Variants in TTC3 observed in about 807,000 individuals in gnomAD.
TTC3 encodes the protein E3 ubiquitin-protein ligase TTC3.
TTC3 carries 180 observed loss-of-function variants against 249.6 expected under a neutral mutation model. The ratio of observed to expected loss-of-function variants is 0.72; its 90% CI spans 0.64 to 0.82. The LOEUF is 0.82. TTC3 is among the 40% of genes least tolerant of loss of function. The pLI, the probability that TTC3 is intolerant of heterozygous loss-of-function variation, is 0.00. For missense variants in TTC3, 2,061 were observed against 2,398.4 expected (o/e 0.86, Z 2.94); for synonymous variants, 717 against 805.0 (o/e 0.89, Z 1.85).
Position 37,126,118 on chromosome 21 carries a change from T to C in TTC3, c.1272T>C (p.Cys424=), listed in dbSNP as rs150729070. 1.0e-3 allele frequency: 1,621 copies of C among 1,612,396 alleles called. 14 individuals are homozygous for C. In the African/African-American group the frequency reaches 0.018, roughly 18 times the overall value. The change falls in exon 15 of 46, where the codon TGT becomes TGC. Residue 424 remains cysteine (C), a synonymous_variant. Transcript: ENST00000355666. ...CGTTGAAGGTAGATGATTGTGACTG[T>C]CATCCTGAATTTTCACCACCATCAA...
At chr21:37,095,410 G>A (rs764863393) in exon 9 of TTC3, 3 of 1,607,364 alleles carry the variant, frequency 1.9e-6, no homozygotes, top group South Asian at 2.2e-5. Flanking sequence ...ATTTGATATA[G>A]CTATTATCTA....
intron 32 of TTC3, 71 bp from the exon 33 acceptor site, chr21:37,165,479 A>G: frequency 1.7e-6 from 2 of 1,191,958 alleles, no homozygotes; most frequent in South Asian, 1.5e-5. Context: ...GGGAGAATAA[A>G]AGTTTTTTTC....
Position 37,147,478 on chromosome 21 carries a change from T to C in TTC3, c.1894-3T>C, listed in dbSNP as rs369561916. 6.2e-7 allele frequency: 1 copy of C among 1,602,468 alleles called. No homozygotes were observed. Among genetic ancestry groups the C allele is most frequent in the East Asian group, 2.2e-5 (1 of 44,606 alleles). On this transcript the variant is annotated splice_polypyrimidine_tract_variant and splice_region_variant and intron_variant, in intron 21 of 45. Coordinates refer to ENST00000355666, the Ensembl canonical transcript of TTC3. Reference sequence around the variant, plus strand: ...GGTATCATTTTTGTTTATTTTGTTTTAGATGCTGTTAGAGAAATTTGTTGA... The same window carrying C: ...GGTATCATTTTTGTTTATTTTGTTTCAGATGCTGTTAGAGAAATTTGTTGA...
At chr21:37,201,106 G>A (rs1414174911) in intron 45 of TTC3, among the ~76,000 whole-genome samples, 5 of 152,230 alleles carry the variant, frequency 3.3e-5, no homozygotes, top group Non-Finnish European at 5.9e-5. Flanking sequence ...GAGTGATTGG[G>A]TCATAGGGCC....
chr21:37,088,293 T>C (rs1403207256), exon 4 of TTC3: 4 of 1,613,708 alleles, frequency 2.5e-6, no homozygotes, highest in African/African-American at 1.3e-5. Flanking sequence ...CACTTCTGTT[T>C]CAACATCAAA....
At chr21:37,186,342 T>A (rs2083273298) in intron 37 of TTC3, among the ~76,000 whole-genome samples, 1 of 152,228 alleles carries the variant, frequency 6.6e-6, no homozygotes, top group Admixed American at 6.5e-5. Context: ...TTTGTACAGA[T>A]TTCTTTTTCC....
intron 21 of TTC3, among the ~76,000 whole-genome samples, chr21:37,145,270 A>G (rs2078883536): frequency 6.6e-6 from 1 of 152,240 alleles, no homozygotes; most frequent in Non-Finnish European, 1.5e-5. Flanking sequence ...AAAATCACAG[A>G]AGTCAACTTT....
At position 37,160,787 on chromosome 21, in the gene TTC3, C is replaced by A. The variant is rs751739775; in HGVS notation, c.3040-15C>A. On this transcript the variant is annotated splice_polypyrimidine_tract_variant and intron_variant, in intron 29 of 45. Coordinates refer to ENST00000355666, the Ensembl canonical transcript of TTC3. The stretch of plus-strand genomic sequence containing the variant: ...GTTATTTGAGTGTTCACTGATTTTT[C>A]CCCCCATTTTTTAGTTTAGTTCAAC... 6.2e-7 allele frequency: 1 copy of A among 1,611,046 alleles called. No homozygotes were observed. Among genetic ancestry groups the A allele is most frequent in the Non-Finnish European group, 8.5e-7 (1 of 1,178,726 alleles).
chr21:37,189,857 G>A (rs1270194838), intron 39 of TTC3, among the ~76,000 whole-genome samples: 1 of 150,776 alleles, frequency 6.6e-6, no homozygotes, highest in East Asian at 2.0e-4. Flanking sequence ...TTACAGGAGT[G>A]AGCCACCACG....
chr21:37,077,525 G>T (rs1389005646), intron 1 of TTC3, among the ~76,000 whole-genome samples: 1 of 152,198 alleles, frequency 6.6e-6, no homozygotes, highest in East Asian at 1.9e-4. Context: ...ACTTTGGCCA[G>T]CAGTTTTGTC....
intron 1 of TTC3, among the ~76,000 whole-genome samples, chr21:37,077,672 T>G (rs995846852): frequency 2.6e-5 from 4 of 152,216 alleles, no homozygotes; most frequent in Non-Finnish European, 4.4e-5. Context: ...TAATTTGCAT[T>G]TTTTGTTATT....
chr21:37,141,898 C>T (rs2078504148), intron 20 of TTC3, among the ~76,000 whole-genome samples: 1 of 152,174 alleles, frequency 6.6e-6, no homozygotes, highest in Non-Finnish European at 1.5e-5. Context: ...AAAAGCTTAT[C>T]CACCATGATC....
Position 37,195,703 on chromosome 21 carries a change from C to G in TTC3, c.5246C>G (p.Ser1749Ter). 6.2e-7 allele frequency: 1 copy of G among 1,612,642 alleles called. No individual in the cohort carries two copies. The highest frequency in any genetic ancestry group is 1.1e-5 in the South Asian group (1 of 90,764). ...CATCCCGAGTTACTCCCTGAGTCTT[C>G]AGGCGACGATGGCCAAGGGCTTGTG... The change falls in exon 42 of 46, where the codon TCA becomes TGA. Residue 1749 changes from serine (S) to a stop codon, truncating the protein, a stop_gained. Coordinates refer to ENST00000355666, the Ensembl canonical transcript of TTC3. LOFTEE classifies it high-confidence loss of function.
At chr21:37,121,472 T>G (rs1471196547) in intron 11 of TTC3, 2 of 164,618 alleles carry the variant, frequency 1.2e-5, no homozygotes, top group Admixed American at 1.3e-4. Flanking sequence ...ATAAAGTTAT[T>G]TATAATGAAT....
chr21:37,190,292 C>G (rs1019974588), intron 39 of TTC3, among the ~76,000 whole-genome samples: 1 of 151,582 alleles, frequency 6.6e-6, no homozygotes, highest in East Asian at 1.9e-4. Context: ...CCCACCACCA[C>G]GCCAGGCTGA....
exon 42 of TTC3, chr21:37,195,822 G>C: frequency 6.2e-7 from 1 of 1,614,236 alleles, no homozygotes; most frequent in Non-Finnish European, 8.5e-7. Context: ...GGCTCCTTCT[G>C]CGCTGTTGCC....
At chr21:37,180,683 T>C (rs1024397477) in intron 35 of TTC3, among the ~76,000 whole-genome samples, 1 of 149,504 alleles carries the variant, frequency 6.7e-6, no homozygotes, top group Non-Finnish European at 1.5e-5. Context: ...GTGGGTGCAG[T>C]GCACCAGCAT....
At chr21:37,138,806 G>C (rs902754378) in intron 19 of TTC3, 92 bp downstream of exon 19, 3 of 791,652 alleles carry the variant, frequency 3.8e-6, no homozygotes, top group Non-Finnish European at 5.8e-6. Flanking sequence ...TTTCTTCTCT[G>C]TACCTTCTGA....
intron 34 of TTC3, among the ~76,000 whole-genome samples, chr21:37,170,574 A>G (rs1348268295): frequency 3.3e-5 from 5 of 152,216 alleles, no homozygotes; most frequent in Non-Finnish European, 2.9e-5. Flanking sequence ...ACCTCCATCA[A>G]TAGCGGACTA....
Sources: allele counts gnomAD v4.1 joint callset (sites outside exome capture counted in the v4.1 genomes callset), GRCh38; gene constraint gnomAD v4.1.1; transcripts MANE v1.5; gene names NCBI Gene and HGNC (gene_info 2026-07-23, HGNC 2026-07-21).